PRKAR1A: variants seen among roughly 807,000 people sequenced by gnomAD.
PRKAR1A encodes cAMP-dependent protein kinase type I-alpha regulatory subunit.
Under a neutral mutation model 52.0 loss-of-function variants are expected in PRKAR1A, and 3 were observed. The observed-to-expected ratio is 0.06, with a 90% confidence interval of 0.03 to 0.15. The LOEUF (loss-of-function observed/expected upper bound fraction) is 0.15, where lower values mean the gene tolerates loss of function less well. Among genes scored for constraint, PRKAR1A ranks in the 10% least tolerant of loss-of-function variants. The pLI is 1.00. For synonymous variants in PRKAR1A, 188 were observed against 168.4 expected (o/e 1.12, Z -0.90); for missense variants, 240 against 477.4 (o/e 0.50, Z 4.63).
the PRKAR1A span, among the ~76,000 whole-genome samples, chr17:68,491,337 C>T: frequency 6.6e-6 from 1 of 152,138 alleles, no homozygotes; most frequent in South Asian, 2.1e-4. Flanking sequence ...GGTGATCTGC[C>T]CGCTTCAACC....
the PRKAR1A span, among the ~76,000 whole-genome samples, chr17:68,448,111 G>T: frequency 6.6e-6 from 1 of 152,014 alleles, no homozygotes; most frequent in South Asian, 2.1e-4. Flanking sequence ...GGAAGTAGCA[G>T]ACTGAGTGCT....
chr17:68,459,203 T>C, the PRKAR1A span, among the ~76,000 whole-genome samples: 1 of 152,360 alleles, frequency 6.6e-6, no homozygotes, highest in Non-Finnish European at 1.5e-5. Context: ...TTAGATACTT[T>C]GTGCCATTTT....
intron 11 of PRKAR1A, chr17:68,541,713 C>T (rs2086304039): frequency 2.6e-6 from 1 of 382,142 alleles, no homozygotes; most frequent in Non-Finnish European, 4.8e-6. Flanking sequence ...CCCCACTAGA[C>T]CAAGGAGCTT....
At chr17:68,497,806 T>G in the PRKAR1A span, among the ~76,000 whole-genome samples, 1 of 152,186 alleles carries the variant, frequency 6.6e-6, no homozygotes, top group Non-Finnish European at 1.5e-5. Flanking sequence ...CTCTAACCAT[T>G]AGGCTATGCT....
chr17:68,522,641 C>G, intron 2 of PRKAR1A, 115 bp from the exon 3 acceptor site: 1 of 1,125,482 alleles, frequency 8.9e-7, no homozygotes, highest in Non-Finnish European at 1.3e-6. Context: ...TCTTAACTTA[C>G]ATTGTTAATG....
chr17:68,505,936 ACT>A, the PRKAR1A span, among the ~76,000 whole-genome samples: 4 of 152,166 alleles, frequency 2.6e-5, no homozygotes, highest in East Asian at 5.8e-4. Context: ...GTATCTGGGA[ACT>A]CTCTGTATTT....
intron 11 of PRKAR1A, among the ~76,000 whole-genome samples, chr17:68,547,950 A>G (rs2086644830): frequency 6.6e-6 from 1 of 152,162 alleles, no homozygotes; most frequent in Non-Finnish European, 1.5e-5. Context: ...ATTTAAAGTG[A>G]GAGATATGAC....
At chr17:68,529,674 G>A (rs541116508) in intron 9 of PRKAR1A, among the ~76,000 whole-genome samples, 1 of 152,314 alleles carries the variant, frequency 6.6e-6, no homozygotes, top group African/African-American at 2.4e-5. Context: ...CTTGGATTTA[G>A]CCCTTCATCT....
At chr17:68,547,275 T>G (rs767979198) in intron 11 of PRKAR1A, among the ~76,000 whole-genome samples, 7 of 152,194 alleles carry the variant, frequency 4.6e-5, no homozygotes, top group Non-Finnish European at 1.0e-4. Flanking sequence ...ATTATTATTA[T>G]TATTTTTTTA....
chr17:68,495,959 CCT>C, the PRKAR1A span, among the ~76,000 whole-genome samples: 1 of 91,250 alleles, frequency 1.1e-5, no homozygotes, highest in African/African-American at 4.5e-5. Flanking sequence ...CCTTTCCTCT[CCT>C]CTCTCCTCTC....
upstream of PRKAR1A, chr17:68,511,780 G>A (rs1289125945): frequency 6.6e-6 from 1 of 152,026 alleles, no homozygotes; most frequent in Non-Finnish European, 1.5e-5. Flanking sequence ...GCGGCCCGGA[G>A]AGCGCATCCC....
the PRKAR1A span, among the ~76,000 whole-genome samples, chr17:68,453,479 CTTTTT>C: frequency 3.7e-5 from 5 of 136,190 alleles, no homozygotes; most frequent in African/African-American, 1.1e-4. Context: ...TTTTCTTTTC[CTTTTT>C]TTTTTTTTTT....
At chr17:68,495,262 G>A in the PRKAR1A span, among the ~76,000 whole-genome samples, 1 of 152,078 alleles carries the variant, frequency 6.6e-6, no homozygotes, top group Non-Finnish European at 1.5e-5. Flanking sequence ...CAAACTCCTG[G>A]CCTCAAGTGA....
the PRKAR1A span, chr17:68,457,237 C>T: frequency 7.2e-7 from 1 of 1,380,918 alleles, no homozygotes; most frequent in Non-Finnish European, 9.9e-7. Flanking sequence ...GCCCTCCCGC[C>T]GAGGCCGCCT....
At chr17:68,525,937 T>G in intron 7 of PRKAR1A, 25 bp downstream of exon 7, 1 of 1,612,076 alleles carries the variant, frequency 6.2e-7, no homozygotes, top group South Asian at 1.1e-5. Flanking sequence ...TGTTTGAGAG[T>G]GTGATTTAGA....
intron 11 of PRKAR1A, among the ~76,000 whole-genome samples, chr17:68,549,062 A>G (rs2086711374): frequency 6.6e-6 from 1 of 152,178 alleles, no homozygotes. Flanking sequence ...GACCAGGCAG[A>G]GATGTATTAG....
the PRKAR1A span, among the ~76,000 whole-genome samples, chr17:68,430,702 G>A: frequency 6.6e-6 from 1 of 152,294 alleles, no homozygotes; most frequent in South Asian, 2.1e-4. Context: ...AAGGGACCTG[G>A]GATGTCGCCT....
chr17:68,447,818 C>T, the PRKAR1A span, among the ~76,000 whole-genome samples: 1 of 151,754 alleles, frequency 6.6e-6, no homozygotes, highest in African/African-American at 2.4e-5. Flanking sequence ...TGGTGAAACC[C>T]CATCTCTACT....
the PRKAR1A span, chr17:68,425,971 A>G: frequency 4.7e-6 from 4 of 847,950 alleles, no homozygotes; most frequent in Non-Finnish European, 7.7e-6. Flanking sequence ...ATTAGTTGTT[A>G]TAGATTAGAA....
Sources: gnomAD v4.1 joint callset for allele counts (sites outside exome capture counted in the v4.1 genomes callset) on GRCh38, gnomAD v4.1.1 for gene constraint, MANE v1.5 for transcripts, NCBI Gene and HGNC (gene_info 2026-07-23, HGNC 2026-07-21) for gene names.